CNTN4: variants seen among roughly 807,000 people sequenced by gnomAD.
CNTN4 encodes contactin 4.
CNTN4 carries 77 observed loss-of-function variants against 122.5 expected under a neutral mutation model. The ratio of observed to expected loss-of-function variants is 0.63; its 90% CI spans 0.52 to 0.76. The LOEUF (loss-of-function observed/expected upper bound fraction) is 0.76. Ranked by LOEUF, CNTN4 falls within the 30% of genes least tolerant of loss-of-function variation. The probability of loss-of-function intolerance (pLI) is 0.00; values close to 1 mark genes in which losing one functional copy is unlikely to be tolerated. For missense variants in CNTN4, 1,256 were observed against 1,259.1 expected (o/e 1.00, Z 0.04); for synonymous variants, 512 against 447.0 (o/e 1.15, Z -1.83).
intron 2 of CNTN4, among the ~76,000 whole-genome samples, chr3:2,210,904 G>C (rs1217802424): frequency 6.6e-6 from 1 of 152,158 alleles, no homozygotes; most frequent in African/African-American, 2.4e-5. Flanking sequence ...ACTAATGTTT[G>C]TCAAACAATT....
rs960172954 is a variant in CNTN4 at position 2,997,069 on chromosome 3, C to T, written c.1486+8597C>T. On this transcript the variant is annotated intron_variant, in intron 14 of 24. Coordinates refer to ENST00000418658, the MANE Select transcript of CNTN4 (RefSeq NM_175607.3). Reference sequence around the variant, plus strand: ...AAGAAATGGTTTATGTTAAGCTTTTCAGTTCATTAAATGTTTAAATCTCAA... The same window carrying T: ...AAGAAATGGTTTATGTTAAGCTTTTTAGTTCATTAAATGTTTAAATCTCAA... Among the ~76,000 whole-genome samples the T allele has an allele frequency of 4.6e-5, 7 of 152,212 alleles. No homozygotes were observed. In the East Asian group the frequency reaches 1.3e-3, roughly 29 times the overall value.
At chr3:2,241,332 T>TAA (rs2039927807) in intron 2 of CNTN4, among the ~76,000 whole-genome samples, 1 of 152,174 alleles carries the variant, frequency 6.6e-6, no homozygotes, top group Non-Finnish European at 1.5e-5. Flanking sequence ...GATAGATAGT[T>TAA]ACAATGCTGA....
At chr3:2,810,211 A>G (rs905139562) in intron 6 of CNTN4, among the ~76,000 whole-genome samples, 5 of 152,212 alleles carry the variant, frequency 3.3e-5, no homozygotes, top group Non-Finnish European at 5.9e-5. Flanking sequence ...TAGTAATAGA[A>G]CCCACCTCAA....
chr3:2,374,831 C>T (rs747869034), intron 3 of CNTN4, among the ~76,000 whole-genome samples: 3 of 152,146 alleles, frequency 2.0e-5, no homozygotes, highest in African/African-American at 4.8e-5. Context: ...TCACATTCTT[C>T]ACCCTTAGCA....
At chr3:2,288,412 A>G (rs2042017177) in intron 2 of CNTN4, among the ~76,000 whole-genome samples, 1 of 152,088 alleles carries the variant, frequency 6.6e-6, no homozygotes, top group Admixed American at 6.6e-5. Flanking sequence ...TCTTGCAGGA[A>G]CTAAAAGAGG....
At chr3:2,439,068 T>C (rs2048347293) in intron 3 of CNTN4, among the ~76,000 whole-genome samples, 1 of 152,186 alleles carries the variant, frequency 6.6e-6, no homozygotes, top group African/African-American at 2.4e-5. Context: ...TTGTTAAAAT[T>C]GGAGATCCTT....
intron 7 of CNTN4, among the ~76,000 whole-genome samples, chr3:2,829,028 C>G (rs1451742315): frequency 6.6e-6 from 1 of 152,104 alleles, no homozygotes; most frequent in Admixed American, 6.5e-5. Flanking sequence ...CATGAGCCAC[C>G]GTGCCCATCC....
At chr3:2,824,806 G>A (rs1378342585) in intron 7 of CNTN4, among the ~76,000 whole-genome samples, 1 of 151,860 alleles carries the variant, frequency 6.6e-6, no homozygotes, top group Non-Finnish European at 1.5e-5. Context: ...GGGATTACAG[G>A]AGTGCACCAC....
At chr3:2,580,039 GT>G (rs1187291879) in intron 4 of CNTN4, among the ~76,000 whole-genome samples, 1 of 5,116 alleles carries the variant, frequency 2.0e-4, no homozygotes, top group African/African-American at 2.4e-4. Flanking sequence ...AAGCTTGTAT[GT>G]GTGTGTGTGT....
In CNTN4 at chr3:3,030,322, C is replaced by T. The variant is rs1699055925; in HGVS notation, c.1663-533C>T. ...TGGAAACCAAATGAGCACTGTTCCA[C>T]ACTAGGTGATGCGAGATTTCCTTGG... is the stretch of plus-strand genomic sequence containing the variant. On this transcript the variant is annotated intron_variant, in intron 15 of 24. Transcript: ENST00000418658. Among the ~76,000 whole-genome samples, 3 of 152,226 alleles carry T rather than the reference C, an allele frequency of 2.0e-5. No homozygotes were observed. The South Asian group carries it at 6.2e-4, about 31-fold the overall frequency.
intron 10 of CNTN4, among the ~76,000 whole-genome samples, chr3:2,896,663 A>G (rs2094118179): frequency 6.6e-6 from 1 of 152,198 alleles, no homozygotes; most frequent in African/African-American, 2.4e-5. Context: ...AATTTGAGGT[A>G]ATATGAGAAT....
At chr3:2,105,061 C>T (rs2032320661) in intron 2 of CNTN4, among the ~76,000 whole-genome samples, 1 of 152,060 alleles carries the variant, frequency 6.6e-6, no homozygotes, top group African/African-American at 2.4e-5. Flanking sequence ...CAGGCATGGA[C>T]CCAGTGAGAA....
intron 11 of CNTN4, among the ~76,000 whole-genome samples, chr3:2,902,306 G>A (rs1026840687): frequency 6.6e-6 from 1 of 151,904 alleles, no homozygotes; most frequent in Non-Finnish European, 1.5e-5. Flanking sequence ...CAGATTGGCC[G>A]CCACCAGATG....
chr3:2,322,899 A>C (rs75272151), intron 2 of CNTN4, among the ~76,000 whole-genome samples: 1 of 152,084 alleles, frequency 6.6e-6, no homozygotes, highest in East Asian at 1.9e-4. Context: ...GATCTTTAAA[A>C]TAGAGGAAAA....
At chr3:2,947,093 A>T (rs1431165954) in intron 13 of CNTN4, among the ~76,000 whole-genome samples, 1 of 152,204 alleles carries the variant, frequency 6.6e-6, no homozygotes, top group Non-Finnish European at 1.5e-5. Flanking sequence ...TTAGCCATAC[A>T]ATCCTTGTAT....
rs554023962 is a variant in CNTN4 at position 2,557,543 on chromosome 3, C to T, written c.-88-13873C>T. On this transcript the variant is annotated intron_variant, in intron 3 of 24. Coordinates refer to ENST00000418658, the MANE Select transcript of CNTN4 (RefSeq NM_175607.3). ...GAGATCGAGACCATCCTGGCTAACA[C>T]GGTGAAACCCCATCTCTACTAAAAA... is the stretch of plus-strand genomic sequence containing the variant. Among the ~76,000 whole-genome samples the T allele has an allele frequency of 2.5e-3, 383 of 152,126 alleles. 1 individual carries two copies. Among genetic ancestry groups the T allele is most frequent in the African/African-American group, 8.9e-3 (371 of 41,502 alleles).
At chr3:3,024,218 A>T (rs960489476) in intron 14 of CNTN4, among the ~76,000 whole-genome samples, 1 of 152,144 alleles carries the variant, frequency 6.6e-6, no homozygotes, top group African/African-American at 2.4e-5. Context: ...TCTTTATCAA[A>T]TAAAACCCAT....
chr3:2,967,011 C>T (rs914727613), intron 13 of CNTN4, among the ~76,000 whole-genome samples: 4 of 152,108 alleles, frequency 2.6e-5, no homozygotes, highest in Non-Finnish European at 4.4e-5. Context: ...AGGGGAATTG[C>T]AATAGAGAAA....
intron 4 of CNTN4, among the ~76,000 whole-genome samples, chr3:2,632,751 C>A (rs2082500046): frequency 6.6e-6 from 1 of 152,110 alleles, no homozygotes; most frequent in African/African-American, 2.4e-5. Context: ...CTTAATAATT[C>A]TCATGACACT....
Sources: gnomAD v4.1 joint callset for allele counts (sites outside exome capture counted in the v4.1 genomes callset) on GRCh38, gnomAD v4.1.1 for gene constraint, MANE v1.5 for transcripts, NCBI Gene and HGNC (gene_info 2026-07-23, HGNC 2026-07-21) for gene names.